FILIP1L: variants seen among roughly 807,000 people sequenced by gnomAD.
The protein encoded by FILIP1L is filamin A-interacting protein 1-like.
Under a neutral mutation model 96.6 loss-of-function variants are expected in FILIP1L, and 55 were observed. That is an observed-to-expected ratio of 0.57 (90% confidence interval 0.46 to 0.71). FILIP1L has a LOEUF of 0.71. FILIP1L is among the 30% of genes least tolerant of loss of function. The probability of loss-of-function intolerance (pLI) is 0.00; values close to 1 mark genes in which losing one functional copy is unlikely to be tolerated. For synonymous variants in FILIP1L, 467 were observed against 473.9 expected, an observed-to-expected ratio of 0.99 and a Z score of 0.19; for missense variants, 1,304 against 1,321.2, an observed-to-expected ratio of 0.99 and a Z score of 0.20.
At chr3:100,069,040 G>C (rs1490600754) in intron 1 of FILIP1L, among the ~76,000 whole-genome samples, 1 of 152,058 alleles carries the variant, frequency 6.6e-6, no homozygotes, top group Admixed American at 6.5e-5. Flanking sequence ...CACGTGATTT[G>C]GGCACTTCAT....
At chr3:100,080,561 C>T (rs1456116016) in intron 1 of FILIP1L, among the ~76,000 whole-genome samples, 1 of 152,078 alleles carries the variant, frequency 6.6e-6, no homozygotes, top group Non-Finnish European at 1.5e-5. Flanking sequence ...TTGAGAAATC[C>T]AGCTTAGATT....
At chr3:99,995,973 AT>A (rs1222166233) in intron 1 of FILIP1L, among the ~76,000 whole-genome samples, 1 of 151,860 alleles carries the variant, frequency 6.6e-6, no homozygotes, top group Non-Finnish European at 1.5e-5. Flanking sequence ...CATTTTCCCC[AT>A]TGTCTTGGTG....
chr3:99,884,568 A>G (rs1370307234), intron 4 of FILIP1L, among the ~76,000 whole-genome samples: 2 of 152,144 alleles, frequency 1.3e-5, no homozygotes, highest in African/African-American at 4.8e-5. Context: ...TGATGTCTCA[A>G]ACTTCCTTCC....
rs1046202011 is a variant in FILIP1L, at chr3:99,830,591, G to T, written c.3396C>A (p.Cys1132Ter). ...GGATCCGTGCTGGGATTCTCTGCTT[G>T]CATACCTCCTTGATCTTGAATTAAA... ...RQSQITIKEV[C>*]KQRIPARIPK... Residue 1132 changes from cysteine to a stop codon, truncating the protein, a stop_gained, in exon 6 of 6, where the codon TGC (cysteine) becomes TGA (stop). Transcript: ENST00000477258. LOFTEE classifies it high-confidence loss of function. The T allele has an allele frequency of 4.4e-6, 2 of 456,558 alleles. No individual in the cohort carries two copies. Among genetic ancestry groups the T allele is most frequent in the Non-Finnish European group, 8.8e-6 (2 of 226,896 alleles). 28.3% of individuals were successfully genotyped at this position (456,558 alleles called of 1,614,324 possible).
chr3:99,947,356 A>C (rs1442527283), intron 1 of FILIP1L, among the ~76,000 whole-genome samples: 2 of 152,118 alleles, frequency 1.3e-5, no homozygotes, highest in South Asian at 4.1e-4. Context: ...CCATACCATG[A>C]TATTTGATAG....
At chr3:99,909,938 T>C (rs183275568) in intron 4 of FILIP1L, among the ~76,000 whole-genome samples, 1 of 138,672 alleles carries the variant, frequency 7.2e-6, no homozygotes, top group East Asian at 2.0e-4. Context: ...AGAGCTGTTG[T>C]CATCTGACCA....
chr3:99,898,990 T>A (rs1706351619), intron 4 of FILIP1L, among the ~76,000 whole-genome samples: 2 of 152,108 alleles, frequency 1.3e-5, no homozygotes, highest in South Asian at 4.2e-4. Context: ...TTTCTGTTGC[T>A]AGTTTCATCA....
chr3:99,835,799 G>C (rs1375561207), intron 5 of FILIP1L, among the ~76,000 whole-genome samples: 1 of 152,194 alleles, frequency 6.6e-6, no homozygotes, highest in Non-Finnish European at 1.5e-5. Context: ...ACAGACAGCA[G>C]TTTTGGAAAC....
chr3:100,107,436 G>T (rs570790510), intron 1 of FILIP1L, among the ~76,000 whole-genome samples: 1 of 152,198 alleles, frequency 6.6e-6, no homozygotes, highest in East Asian at 1.9e-4. Context: ...TGTTTACTTT[G>T]AGAGTGATGA....
chr3:99,918,809 A>G (rs1707035368), intron 4 of FILIP1L, among the ~76,000 whole-genome samples: 1 of 152,194 alleles, frequency 6.6e-6, no homozygotes. Context: ...CAATAACAAA[A>G]TATTTGTTTG....
At position 99,848,954 on chromosome 3, in the gene FILIP1L, G is replaced by A; in HGVS notation, c.2722C>T (p.Pro908Ser). 1.2e-6 allele frequency: 2 copies of A among 1,614,116 alleles called. No homozygotes were observed. Among genetic ancestry groups the A allele is most frequent in the East Asian group, 2.2e-5 (1 of 44,886 alleles). The change falls in exon 5 of 6, where the codon CCA (proline) becomes TCA (serine). Residue 908 changes from proline (P) to serine (S), a missense_variant. Coordinates refer to ENST00000477258, the MANE Select transcript of FILIP1L (RefSeq NM_001387850.1). ...GTGGCTGTGTTTTGTACATGGTCTGGAGTAACCTTTATATGAAGTGGCTGC... is the reference window on the plus strand; with the variant it reads ...GTGGCTGTGTTTTGTACATGGTCTGAAGTAACCTTTATATGAAGTGGCTGC... ...PGQPLHIKVT[P>S]DHVQNTATLE...
At chr3:99,918,576 C>T (rs974586514) in intron 4 of FILIP1L, among the ~76,000 whole-genome samples, 2 of 152,108 alleles carry the variant, frequency 1.3e-5, no homozygotes, top group Non-Finnish European at 2.9e-5. Flanking sequence ...TGAATTTTGA[C>T]CTCTGAAATT....
At chr3:99,907,438 A>G (rs942185228) in intron 4 of FILIP1L, among the ~76,000 whole-genome samples, 4 of 152,094 alleles carry the variant, frequency 2.6e-5, no homozygotes, top group African/African-American at 9.6e-5. Flanking sequence ...TAGTAGAGAC[A>G]GGGTTTCACC....
chr3:99,933,237 C>T lies in FILIP1L; in HGVS notation c.-10-2207G>A, dbSNP rs143269384. On this transcript the variant is annotated intron_variant, in intron 1 of 5. Transcript: ENST00000477258. Reference sequence around the variant, plus strand: ...TATACACTGGTACAAATACCTTGTCCGAAAAATGCCTATAGCCTTACTGAA... The same window carrying T: ...TATACACTGGTACAAATACCTTGTCTGAAAAATGCCTATAGCCTTACTGAA... 1.7e-3 allele frequency among the ~76,000 whole-genome samples: 264 copies of T among 152,168 alleles called. 1 individual carries two copies. Among genetic ancestry groups the T allele is most frequent in the African/African-American group, 3.1e-3 (128 of 41,504 alleles).
chr3:100,072,267 G>T (rs1477834552), intron 1 of FILIP1L, among the ~76,000 whole-genome samples: 1 of 152,194 alleles, frequency 6.6e-6, no homozygotes, highest in East Asian at 1.9e-4. Context: ...GTCAGAAATA[G>T]AATGTGTGTA....
At chr3:100,066,478 G>C (rs1490455534) in intron 1 of FILIP1L, among the ~76,000 whole-genome samples, 1 of 143,128 alleles carries the variant, frequency 7.0e-6, no homozygotes, top group African/African-American at 2.6e-5. Flanking sequence ...GTCATGGATA[G>C]TGGTGATTAA....
chr3:99,952,756 ATTATTAAATTGC>A (rs1402238314), intron 1 of FILIP1L, among the ~76,000 whole-genome samples: 1 of 152,212 alleles, frequency 6.6e-6, no homozygotes, highest in Non-Finnish European at 1.5e-5. Flanking sequence ...AGAAACAGTT[ATTATTAAATTGC>A]TCATGAATAT....
At chr3:100,054,490 T>A (rs412400) in intron 1 of FILIP1L, among the ~76,000 whole-genome samples, 20 of 146,086 alleles carry the variant, frequency 1.4e-4, no homozygotes, top group Admixed American at 2.1e-4. Flanking sequence ...ATGTTATGTT[T>A]TGTTATGTTA....
At chr3:99,983,476 A>G (rs774988856) in intron 1 of FILIP1L, among the ~76,000 whole-genome samples, 994 of 16,464 alleles carry the variant, frequency 0.06, 49 homozygotes, top group African/African-American at 0.2. Context: ...ATATATATAT[A>G]TATATATATA....
Sources: gnomAD v4.1 joint callset for allele counts (sites outside exome capture counted in the v4.1 genomes callset) on GRCh38, gnomAD v4.1.1 for gene constraint, MANE v1.5 for transcripts, NCBI Gene and HGNC (gene_info 2026-07-23, HGNC 2026-07-21) for gene names.